Variants in RLF observed in about 807,000 individuals in gnomAD.
RLF encodes zinc finger protein Rlf.
A neutral mutation model predicts 162.9 loss-of-function variants in RLF; 7 were observed. The ratio of observed to expected loss-of-function variants is 0.04; its 90% confidence interval spans 0.02 to 0.08. The LOEUF (loss-of-function observed/expected upper bound fraction) is 0.08, where lower values mean the gene tolerates loss of function less well. RLF is among the 10% of genes least tolerant of loss of function. RLF has a pLI of 1.00. For synonymous variants in RLF, 782 were observed against 791.5 expected (o/e 0.99, Z 0.20); for missense variants, 1,664 against 2,244.7 (o/e 0.74, Z 5.23).
chr1:40,169,585 C>T (rs1272903892), intron 1 of RLF, among the ~76,000 whole-genome samples: 3 of 134,824 alleles, frequency 2.2e-5, no homozygotes, highest in East Asian at 2.2e-4. Context: ...CACTGCAGTC[C>T]GCAGTCCAGC....
At chr1:40,186,493 A>G (rs1163693642) in intron 1 of RLF, among the ~76,000 whole-genome samples, 1 of 152,214 alleles carries the variant, frequency 6.6e-6, no homozygotes, top group Non-Finnish European at 1.5e-5. Context: ...TGTAGCTTAC[A>G]GAAGTCCTGG....
chr1:40,206,361 C>T (rs185648449), intron 5 of RLF, among the ~76,000 whole-genome samples: 4 of 152,198 alleles, frequency 2.6e-5, no homozygotes, highest in Admixed American at 6.6e-5. Context: ...GGGATTCAAA[C>T]CTGAGTTTGG....
intron 1 of RLF, among the ~76,000 whole-genome samples, chr1:40,163,346 CA>C (rs770965021): frequency 3.3e-5 from 5 of 152,100 alleles, no homozygotes; most frequent in Non-Finnish European, 5.9e-5. Flanking sequence ...TGCAGGAAAA[CA>C]ACTGTGGGTT....
Position 40,237,209 on chromosome 1 carries a change from A to C in RLF, c.2507A>C (p.Lys836Thr), listed in dbSNP as rs563623672. 187 of 1,613,854 alleles carry C rather than the reference A, an allele frequency of 1.2e-4. No homozygotes were observed. Among genetic ancestry groups the C allele is most frequent in the Non-Finnish European group, 1.4e-4 (169 of 1,179,950 alleles). Reference protein sequence around the residue: ...NVENSNGDIKKSVKLEESATG... With the variant: ...NVENSNGDIKTSVKLEESATG... ...GAAAATTCAAATGGAGACATAAAGA[A>C]ATCAGTGAAACTTGAGGAGTCTGCA... is the stretch of plus-strand genomic sequence containing the variant. Residue 836 changes from lysine to threonine, a missense_variant, in exon 8 of 8, where the codon AAA becomes ACA. By Grantham distance (78) the Lys-to-Thr change is moderately conservative. Around this residue, in one of 15 missense-constraint regions of RLF, gnomAD observed 295 missense variants for 317.4 expected, o/e 0.93. Transcript: ENST00000372771. This position sits in a 1 kb window ranked among gnomAD's most constrained non-coding sequence, Gnocchi z 4.4.
In RLF at chr1:40,231,527, CT is replaced by C; in HGVS notation, c.964del (p.Trp322GlyfsTer12). 6.2e-7 allele frequency: 1 copy of C among 1,612,876 alleles called. No homozygotes were observed. Reference sequence around the variant, plus strand: ...CTTCTTTTTTTATAGGGAACTGACTCTTTTTTGGAGTAAACTGCAAAGAAGA... The same window carrying C: ...CTTCTTTTTTTATAGGGAACTGACTCTTTTTGGAGTAAACTGCAAAGAAGA... ...ASVYCSWELT[L>X]FWSKLQRRID... On this transcript the variant is annotated frameshift_variant, in exon 7 of 8. Transcript: ENST00000372771. LOFTEE classifies it high-confidence loss of function.
intron 4 of RLF, among the ~76,000 whole-genome samples, chr1:40,196,438 A>G (rs1642638197): frequency 6.6e-6 from 1 of 152,134 alleles, no homozygotes; most frequent in African/African-American, 2.4e-5. Flanking sequence ...TATTTTATAT[A>G]TATGAAATAA....
chr1:40,231,400 C>A (rs1256370396), intron 6 of RLF, 117 bp from the exon 7 acceptor site: 23 of 772,864 alleles, frequency 3.0e-5, no homozygotes, highest in Non-Finnish European at 4.4e-5. Flanking sequence ...AGCTTTTAAT[C>A]TAGTTTTTGT....
chr1:40,162,690 CT>C (rs1642110400), intron 1 of RLF, among the ~76,000 whole-genome samples: 1 of 152,196 alleles, frequency 6.6e-6, no homozygotes, highest in South Asian at 2.1e-4. Context: ...GATTGCTTTT[CT>C]TCCCTCTCTC....
At position 40,166,003 on chromosome 1, in the gene RLF, T is replaced by C. The variant is rs187840121; in HGVS notation, c.237+4367T>C. Among the ~76,000 whole-genome samples, 955 of 152,336 alleles carry C rather than the reference T, an allele frequency of 6.3e-3. 12 individuals carry two copies. Among genetic ancestry groups the C allele is most frequent in the African/African-American group, 0.022 (920 of 41,574 alleles). ...CCTTTAAGACCTGGCTCTAATATTA[T>C]GGTCTTTCAGCTTTTTCTGATTTCA... On this transcript the variant is annotated intron_variant, in intron 1 of 7. Coordinates refer to ENST00000372771, the MANE Select transcript of RLF (RefSeq NM_012421.4).
intron 5 of RLF, among the ~76,000 whole-genome samples, chr1:40,218,872 T>A (rs1295444002): frequency 6.6e-6 from 1 of 152,224 alleles, no homozygotes. Context: ...ATTTTAGTGG[T>A]AAAATAGTAA....
At chr1:40,225,448 G>GT (rs1037863887) in intron 6 of RLF, among the ~76,000 whole-genome samples, 3 of 151,000 alleles carry the variant, frequency 2.0e-5, no homozygotes, top group Admixed American at 2.0e-4. Context: ...GCGTGGTGGC[G>GT]TGTGCCTGTA....
intron 2 of RLF, 86 bp from the exon 3 acceptor site, chr1:40,190,686 T>C (rs1424787953): frequency 1.2e-6 from 1 of 863,574 alleles, no homozygotes; most frequent in Non-Finnish European, 1.8e-6. Flanking sequence ...CCTAAACAAA[T>C]GTAAAATAGA....
chr1:40,198,433 T>G (rs1219106753), intron 4 of RLF, among the ~76,000 whole-genome samples: 2 of 151,584 alleles, frequency 1.3e-5, no homozygotes, highest in East Asian at 3.9e-4. Context: ...GCCTCCCAAG[T>G]AGCTGGGATT....
chr1:40,177,529 G>A (rs144202084), intron 1 of RLF, among the ~76,000 whole-genome samples: 7,355 of 151,850 alleles, frequency 0.048, 581 homozygotes, highest in African/African-American at 0.17. Flanking sequence ...TCCTGACCTC[G>A]TGATCTGCCC....
At chr1:40,189,257 G>A (rs370889179) in intron 2 of RLF, 48 bp downstream of exon 2, 111 of 1,501,318 alleles carry the variant, frequency 7.4e-5, no homozygotes, top group South Asian at 4.4e-4. Context: ...ACCATTGGTC[G>A]TGTTGTTTGC....
At chr1:40,211,418 A>G (rs1336457655) in intron 5 of RLF, among the ~76,000 whole-genome samples, 1 of 152,176 alleles carries the variant, frequency 6.6e-6, no homozygotes, top group Non-Finnish European at 1.5e-5. Flanking sequence ...TTGATAAGCC[A>G]TGGTCTGATT....
At chr1:40,184,829 G>C (rs1570525947) in intron 1 of RLF, among the ~76,000 whole-genome samples, 1 of 152,140 alleles carries the variant, frequency 6.6e-6, no homozygotes, top group South Asian at 2.1e-4. Flanking sequence ...TGAGTTTACT[G>C]AAACAAAAGA....
intron 4 of RLF, among the ~76,000 whole-genome samples, chr1:40,196,419 AG>A (rs1299118938): frequency 2.6e-5 from 4 of 152,044 alleles, no homozygotes; most frequent in African/African-American, 7.2e-5. Context: ...CCATGAAAAA[AG>A]TTTTTTTTAT....
At chr1:40,198,296 G>A (rs1417958520) in intron 4 of RLF, among the ~76,000 whole-genome samples, 2 of 117,646 alleles carry the variant, frequency 1.7e-5, no homozygotes, top group African/African-American at 6.6e-5. Flanking sequence ...CACCGCGCCC[G>A]GCCTCTTTTT....
Sources: allele counts gnomAD v4.1 joint callset (sites outside exome capture counted in the v4.1 genomes callset), GRCh38; gene constraint gnomAD v4.1.1; regional missense constraint gnomAD v4.1.1; non-coding constraint Gnocchi (gnomAD v3.1); transcripts MANE v1.5; gene names NCBI Gene and HGNC (gene_info 2026-07-23, HGNC 2026-07-21).